The following EIF2B5 variants were observed in gnomAD, a reference collection of about 807,000 sequenced individuals.
EIF2B5 encodes the protein eukaryotic translation initiation factor 2B subunit epsilon.
A neutral mutation model predicts 87.3 loss-of-function variants in EIF2B5; 38 were observed. The ratio of observed to expected loss-of-function variants is 0.44; its 90% CI spans 0.34 to 0.57. The LOEUF is 0.57. Ranked by LOEUF, EIF2B5 falls within the 20% of genes least tolerant of loss-of-function variation. The probability of loss-of-function intolerance (pLI) is 0.02; values close to 1 mark genes in which losing one functional copy is unlikely to be tolerated. For missense variants in EIF2B5, 784 were observed against 909.5 expected (o/e 0.86, Z 1.78); for synonymous variants, 313 against 339.6 (o/e 0.92, Z 0.86).
Position 184,136,748 on chromosome 3 carries a change from C to A in EIF2B5, c.320+12C>A. 2 of 1,614,142 alleles carry A rather than the reference C, an allele frequency of 1.2e-6. No individual in the cohort carries two copies. The highest frequency in any genetic ancestry group is 1.7e-6 in the Non-Finnish European group (2 of 1,180,014). On this transcript the variant is annotated intron_variant, in intron 2 of 15. Transcript: ENST00000648915. Reference sequence around the variant, plus strand: ...AAAGAACATTTACTGTAAGGCCCTGCAACTTTTCTTTCCATGTTTCGCCAT... The same window carrying A: ...AAAGAACATTTACTGTAAGGCCCTGAAACTTTTCTTTCCATGTTTCGCCAT...
chr3:184,139,564 A>G (rs1347918210), intron 5 of EIF2B5, among the ~76,000 whole-genome samples: 3 of 148,090 alleles, frequency 2.0e-5, no homozygotes, highest in African/African-American at 7.4e-5. Flanking sequence ...TACGGGCATG[A>G]GCCACTGCAC....
Position 184,135,395 on chromosome 3 carries a change from C to T in EIF2B5, c.10C>T (p.Pro4Ser), listed in dbSNP as rs767998775. MAA[P>S]VVAPPGVVVS... ...ACCGTGAGAGAAGAAGATGGCGGCC[C>T]CTGTAGTGGCGCCGCCTGGTGTGGT... is the stretch of plus-strand genomic sequence containing the variant. The change falls in exon 1 of 16, where the codon CCT becomes TCT. Residue 4 changes from proline (P) to serine (S), a missense_variant. Coordinates refer to ENST00000648915, the MANE Select transcript of EIF2B5 (RefSeq NM_003907.3). 2.5e-6 allele frequency: 4 copies of T among 1,579,066 alleles called. No homozygotes were observed. Among genetic ancestry groups the T allele is most frequent in the Admixed American group, 1.9e-5 (1 of 52,424 alleles).
intron 13 of EIF2B5, 196 bp downstream of exon 13, chr3:184,143,761 TC>T (rs769742589): frequency 1.3e-6 from 1 of 786,464 alleles, no homozygotes; most frequent in Non-Finnish European, 2.1e-6. Flanking sequence ...CCTTTGAGAC[TC>T]CAGGATTTCA....
rs750333104 is a variant in EIF2B5 at position 184,142,477 on chromosome 3, C to G, written c.1445-25C>G. 1.2e-6 allele frequency: 2 copies of G among 1,613,956 alleles called. No homozygotes were observed. Among genetic ancestry groups the G allele is most frequent in the African/African-American group, 2.7e-5 (2 of 74,896 alleles). On this transcript the variant is annotated intron_variant, in intron 9 of 15. Coordinates refer to ENST00000648915, the MANE Select transcript of EIF2B5 (RefSeq NM_003907.3). This position sits in a 1 kb window ranked among gnomAD's most constrained non-coding sequence, Gnocchi z 5.0. The stretch of plus-strand genomic sequence containing the variant: ...GGGATTGGTGCTTCCGCCGGGCCCT[C>G]TCTATAGATCATTGCCTTTTCCAGG...
chr3:184,135,908 G>T, intron 1 of EIF2B5: 1 of 400,476 alleles, frequency 2.5e-6, no homozygotes, highest in Non-Finnish European at 4.5e-6. Context: ...GCCGATGACG[G>T]TTGCTTAGGT....
chr3:184,138,593 G>C (rs1406164567), intron 5 of EIF2B5, among the ~76,000 whole-genome samples: 1 of 152,016 alleles, frequency 6.6e-6, no homozygotes, highest in Non-Finnish European at 1.5e-5. Context: ...GGTCTCAAGT[G>C]ATCTACCTGT....
In EIF2B5 at chr3:184,142,352, A is replaced by G. The variant is rs1391344089; in HGVS notation, c.1418A>G (p.Gln473Arg). 1 of 1,614,184 alleles carries G rather than the reference A, an allele frequency of 6.2e-7. No individual in the cohort carries two copies. Among genetic ancestry groups the G allele is most frequent in the Non-Finnish European group, 8.5e-7 (1 of 1,180,014 alleles). The part of the protein sequence containing the change: ...GEFSDDSGAD[Q>R]EKDKVKMKGY... The stretch of plus-strand genomic sequence containing the variant: ...TTCAGTGATGATTCTGGGGCTGACC[A>G]AGAAAAGGACAAAGTGAAGATGAAA... The change falls in exon 9 of 16, where the codon CAA (glutamine) becomes CGA (arginine). Residue 473 changes from glutamine (Q) to arginine (R), a missense_variant. Coordinates refer to ENST00000648915, the MANE Select transcript of EIF2B5 (RefSeq NM_003907.3). The surrounding 1 kb of genome is among the most constrained non-coding windows in gnomAD (Gnocchi z 5.0).
At chr3:184,144,835 A>G (rs1404894217) in intron 15 of EIF2B5, 49 bp from the exon 16 acceptor site, 11 of 1,604,150 alleles carry the variant, frequency 6.9e-6, no homozygotes, top group Non-Finnish European at 8.5e-6. Flanking sequence ...GGGGAGCAGG[A>G]GAGTTATGTG....
intron 2 of EIF2B5, chr3:184,137,270 T>A: frequency 2.5e-6 from 1 of 402,500 alleles, no homozygotes. Flanking sequence ...AGTTCCTAAA[T>A]GTTATATGGA....
Position 184,141,925 on chromosome 3 carries a change from G to A in EIF2B5, c.1157G>A (p.Gly386Asp). 1 of 1,614,076 alleles carries A rather than the reference G, an allele frequency of 6.2e-7. No homozygotes were observed. The highest frequency in any genetic ancestry group is 8.5e-7 in the Non-Finnish European group (1 of 1,179,996). Residue 386 changes from glycine to aspartate, a missense_variant and splice_region_variant, in exon 8 of 16, where the codon GGT becomes GAT. Coordinates refer to ENST00000648915, the MANE Select transcript of EIF2B5 (RefSeq NM_003907.3). ...NSVIGPGCHI[G>D]DNVVLDQTYL... is the part of the protein sequence containing the mutation. ...CAGAGGTCTTCCCATCCTGAGCCAG[G>A]TGATAACGTGGTGCTGGACCAGACC...
Position 184,140,630 on chromosome 3 carries a change from T to C in EIF2B5, c.1056T>C (p.His352=), listed in dbSNP as rs143156459. The change falls in exon 7 of 16, where the codon CAT becomes CAC. Residue 352 remains histidine (H), a synonymous_variant. Transcript: ENST00000648915. ...IYRGPEVSLG[H]GSILEENVLL... Reference sequence around the variant, plus strand: ...GAGGGCCTGAGGTCAGCCTGGGCCATGGCAGCATCCTAGAGGAAAATGTGC... The same window carrying C: ...GAGGGCCTGAGGTCAGCCTGGGCCACGGCAGCATCCTAGAGGAAAATGTGC... 3.4e-5 allele frequency: 55 copies of C among 1,614,064 alleles called. No homozygotes were observed. The highest frequency in any genetic ancestry group is 4.5e-5 in the East Asian group (2 of 44,896).
intron 5 of EIF2B5, 42 bp from the exon 6 acceptor site, chr3:184,140,038 G>T: frequency 2.4e-5 from 30 of 1,229,840 alleles, no homozygotes; most frequent in Non-Finnish European, 3.3e-5. Context: ...AAAAAAAAAA[G>T]AATAGTACTT....
intron 13 of EIF2B5, 144 bp downstream of exon 13, chr3:184,143,709 T>C: frequency 7.7e-7 from 1 of 1,305,278 alleles, no homozygotes; most frequent in Non-Finnish European, 1.1e-6. Context: ...AGAGCAGCCT[T>C]GGCTGGTTCA....
Position 184,135,443 on chromosome 3 carries a change from A to G in EIF2B5, c.58A>G (p.Ser20Gly), listed in dbSNP as rs1466897073. The change falls in exon 1 of 16, where the codon AGC (serine) becomes GGC (glycine). Residue 20 changes from serine (S) to glycine (G), a missense_variant. Physicochemically the swap from Ser to Gly is moderately conservative, Grantham distance 56 (BLOSUM62 0). Around this residue, in one of 3 missense-constraint regions of EIF2B5, gnomAD observed 117 missense variants for 101.0 expected, o/e 1.16. Transcript: ENST00000648915. ...GGTGGTTAGTCGGGCTAACAAGCGC[A>G]GCGGCGCGGGGCCGGGAGGCAGCGG... Reference protein sequence around the residue: ...GVVVSRANKRSGAGPGGSGGG... With the variant: ...GVVVSRANKRGGAGPGGSGGG... The G allele has an allele frequency of 1.3e-5, 20 of 1,582,012 alleles. No individual in the cohort carries two copies. Among genetic ancestry groups the G allele is most frequent in the Non-Finnish European group, 1.6e-5 (19 of 1,165,186 alleles).
In EIF2B5 at chr3:184,143,170, C is replaced by T. The variant is rs778458193; in HGVS notation, c.1745+28C>T. On this transcript the variant is annotated intron_variant, in intron 12 of 15. Coordinates refer to ENST00000648915, the MANE Select transcript of EIF2B5 (RefSeq NM_003907.3). ...AAGAGCAGCCCCTCCCTGTTCTCCT[C>T]GGGGTGATCCCGGGAAGGTAGAGGC... is the stretch of plus-strand genomic sequence containing the variant. 30 of 1,605,972 alleles carry T rather than the reference C, an allele frequency of 1.9e-5. No homozygotes were observed. In the East Asian group the frequency reaches 2.5e-4, roughly 13 times the overall value.
intron 1 of EIF2B5, chr3:184,136,086 G>A (rs1356663885): frequency 4.5e-6 from 1 of 221,812 alleles, no homozygotes; most frequent in Non-Finnish European, 9.1e-6. Context: ...CAGCCCCCGA[G>A]TTGTCTAGAC....
At chr3:184,140,057 C>T in intron 5 of EIF2B5, 23 bp from the exon 6 acceptor site, 3 of 1,590,872 alleles carry the variant, frequency 1.9e-6, no homozygotes, top group Non-Finnish European at 2.6e-6. Flanking sequence ...TTAATTCTAG[C>T]CCACTCCACT....
intron 5 of EIF2B5, chr3:184,138,767 A>G (rs1489805824): frequency 4.5e-6 from 1 of 221,442 alleles, no homozygotes; most frequent in South Asian, 4.7e-5. Flanking sequence ...TCCCAGGTTC[A>G]AGGGAACCTC....
chr3:184,138,335 T>C, intron 5 of EIF2B5, 89 bp downstream of exon 5: 4 of 1,156,966 alleles, frequency 3.5e-6, no homozygotes, highest in Non-Finnish European at 3.9e-6. Context: ...GGTATATTTC[T>C]TCTCCCTGTT....
Sources: allele counts gnomAD v4.1 joint callset (sites outside exome capture counted in the v4.1 genomes callset), GRCh38; gene constraint gnomAD v4.1.1; regional missense constraint gnomAD v4.1.1; non-coding constraint Gnocchi (gnomAD v3.1); transcripts MANE v1.5; gene names NCBI Gene and HGNC (gene_info 2026-07-23, HGNC 2026-07-21).